CLASP1: variants seen among roughly 807,000 people sequenced by gnomAD.
CLASP1 encodes CLIP-associating protein 1.
CLASP1 carries 38 observed loss-of-function variants against 192.3 expected under a neutral mutation model. The ratio of observed to expected loss-of-function variants is 0.20; its 90% confidence interval spans 0.15 to 0.26. CLASP1 has a LOEUF of 0.26. Among genes scored for constraint, CLASP1 ranks in the 10% least tolerant of loss-of-function variants. CLASP1 has a pLI of 1.00. For missense variants in CLASP1, 1,433 were observed against 1,932.5 expected (o/e 0.74, Z 4.85); for synonymous variants, 691 against 712.8 (o/e 0.97, Z 0.49).
intron 8 of CLASP1, among the ~76,000 whole-genome samples, chr2:121,487,642 A>G (rs566399861): frequency 3.3e-5 from 5 of 152,314 alleles, no homozygotes; most frequent in East Asian, 1.9e-4. Flanking sequence ...GGCTTCTGCC[A>G]TGTTTCCACA....
chr2:121,621,172 G>A (rs2067283281), intron 1 of CLASP1, among the ~76,000 whole-genome samples: 2 of 151,940 alleles, frequency 1.3e-5, no homozygotes, highest in South Asian at 2.1e-4. Context: ...AGTGAGCTGC[G>A]ATCCCCCTAC....
At chr2:121,443,214 A>T (rs375467778) in intron 19 of CLASP1, among the ~76,000 whole-genome samples, 1 of 151,786 alleles carries the variant, frequency 6.6e-6, no homozygotes, top group East Asian at 1.9e-4. Flanking sequence ...AAAACCAGAG[A>T]GTTAGTCTCC....
intron 30 of CLASP1, among the ~76,000 whole-genome samples, chr2:121,390,204 G>A (rs1205468930): frequency 6.6e-6 from 1 of 152,120 alleles, no homozygotes; most frequent in African/African-American, 2.4e-5. Flanking sequence ...CCACCAATAT[G>A]ATCTCATTAA....
intron 2 of CLASP1, 58 bp downstream of exon 2, chr2:121,605,643 T>C (rs2064336346): frequency 6.7e-6 from 9 of 1,351,896 alleles, no homozygotes; most frequent in Non-Finnish European, 9.4e-6. Context: ...AAGGGCCAAT[T>C]TTGATCTACC....
At chr2:121,580,955 C>A (rs1305223641) in intron 2 of CLASP1, among the ~76,000 whole-genome samples, 4 of 152,144 alleles carry the variant, frequency 2.6e-5, no homozygotes, top group Non-Finnish European at 4.4e-5. Flanking sequence ...TCTTTAAAAA[C>A]CACTTAGAAA....
intron 34 of CLASP1, among the ~76,000 whole-genome samples, chr2:121,375,537 T>C (rs533118800): frequency 8.5e-5 from 13 of 152,054 alleles, no homozygotes; most frequent in African/African-American, 2.9e-4. Context: ...CTAATTTTTA[T>C]ATTTGTAGTA....
At chr2:121,534,122 CT>C (rs2094973210) in intron 2 of CLASP1, among the ~76,000 whole-genome samples, 1 of 152,208 alleles carries the variant, frequency 6.6e-6, no homozygotes, top group Non-Finnish European at 1.5e-5. Flanking sequence ...AGATATAAGC[CT>C]GCAACAACTG....
chr2:121,392,559 C>T (rs768736903), intron 30 of CLASP1, among the ~76,000 whole-genome samples: 2 of 152,138 alleles, frequency 1.3e-5, no homozygotes, highest in African/African-American at 2.4e-5. Context: ...TACAAGCATG[C>T]GCCACCATGC....
chr2:121,647,947 T>C (rs546902343), intron 1 of CLASP1, among the ~76,000 whole-genome samples: 3 of 152,370 alleles, frequency 2.0e-5, no homozygotes, highest in South Asian at 4.1e-4. Context: ...CAATGAATTA[T>C]AGAAACTGAG....
chr2:121,448,111 C>T (rs768876083), intron 18 of CLASP1, among the ~76,000 whole-genome samples, 165 bp downstream of exon 18: 12 of 152,250 alleles, frequency 7.9e-5, no homozygotes, highest in Non-Finnish European at 1.5e-4. Flanking sequence ...CCTGACAAAG[C>T]GGAGCTCTGC....
chr2:121,590,381 G>GA (rs1427489640), intron 2 of CLASP1, among the ~76,000 whole-genome samples: 4 of 152,118 alleles, frequency 2.6e-5, no homozygotes, highest in African/African-American at 9.7e-5. Context: ...ACCACGTACA[G>GA]AAAAAGAAAT....
chr2:121,361,060 C>G (rs1251824758), intron 37 of CLASP1, among the ~76,000 whole-genome samples: 1 of 152,212 alleles, frequency 6.6e-6, no homozygotes, highest in Non-Finnish European at 1.5e-5. Context: ...AGACAGATAT[C>G]TTCCAACTGG....
intron 8 of CLASP1, among the ~76,000 whole-genome samples, chr2:121,482,129 G>A (rs1264789007): frequency 6.6e-6 from 1 of 152,122 alleles, no homozygotes; most frequent in Non-Finnish European, 1.5e-5. Flanking sequence ...ACTTAACTCA[G>A]GAATACCCTG....
At chr2:121,474,730 C>T (rs189835549) in intron 8 of CLASP1, among the ~76,000 whole-genome samples, 3 of 152,046 alleles carry the variant, frequency 2.0e-5, no homozygotes, top group Admixed American at 1.3e-4. Context: ...AGCGAGACTC[C>T]GTTTCAAATA....
intron 7 of CLASP1, among the ~76,000 whole-genome samples, chr2:121,504,387 A>G (rs1175342689): frequency 6.6e-6 from 1 of 152,174 alleles, no homozygotes; most frequent in Non-Finnish European, 1.5e-5. Flanking sequence ...ATCATTTCAA[A>G]TATGTTTGCC....
At chr2:121,421,400 G>A (rs1214665915) in intron 22 of CLASP1, among the ~76,000 whole-genome samples, 5 of 151,544 alleles carry the variant, frequency 3.3e-5, no homozygotes, top group East Asian at 2.0e-4. Flanking sequence ...GGTGCACACC[G>A]CCATGCCCGG....
chr2:121,403,710 G>T, intron 26 of CLASP1: 1 of 458,792 alleles, frequency 2.2e-6, no homozygotes, highest in East Asian at 6.8e-5. Flanking sequence ...CCTGTCTCAC[G>T]TCTTTTCCAC....
intron 22 of CLASP1, among the ~76,000 whole-genome samples, chr2:121,424,756 T>C (rs1173653979): frequency 6.6e-6 from 1 of 152,240 alleles, no homozygotes; most frequent in Non-Finnish European, 1.5e-5. Context: ...ATGTGGACCC[T>C]AAATGCTGTT....
In CLASP1 at chr2:121,340,859, C is replaced by T. The variant is rs200795859; in HGVS notation, c.*2G>A. On this transcript the variant is annotated 3_prime_UTR_variant, in exon 40 of 40. Coordinates refer to ENST00000263710, the Ensembl canonical transcript of CLASP1. ...GGTCTACACAAGAGACAGGTACTGC[C>T]ATTAGCTGTGCGTGGAGACATCGGA... The T allele has an allele frequency of 9.3e-6, 15 of 1,609,334 alleles. No individual in the cohort carries two copies. The highest frequency in any genetic ancestry group is 4.0e-5 in the African/African-American group (3 of 74,832).
Sources: gnomAD v4.1 joint callset for allele counts (sites outside exome capture counted in the v4.1 genomes callset) on GRCh38, gnomAD v4.1.1 for gene constraint, MANE v1.5 for transcripts, NCBI Gene and HGNC (gene_info 2026-07-23, HGNC 2026-07-21) for gene names.